The following VWA5B1 variants were observed in gnomAD, a reference collection of about 807,000 sequenced individuals.
The protein encoded by VWA5B1 is von Willebrand factor A domain containing 5B1, also known as von Willebrand factor A domain-containing protein 5B1.
A neutral mutation model predicts 118.2 loss-of-function variants in VWA5B1; 115 were observed. The ratio of observed to expected loss-of-function variants is 0.97; its 90% CI spans 0.84 to 1.14. VWA5B1 has a LOEUF of 1.14. Among genes scored for constraint, VWA5B1 ranks in the 50% most tolerant of loss-of-function variants. The pLI is 0.00. For missense variants in VWA5B1, 1,596 were observed against 1,603.8 expected (o/e 1.00, Z 0.08); for synonymous variants, 682 against 658.4 (o/e 1.04, Z -0.55).
intron 4 of VWA5B1, among the ~76,000 whole-genome samples, chr1:20,317,272 G>A (rs542852673): frequency 6.0e-4 from 91 of 152,160 alleles, no homozygotes; most frequent in South Asian, 4.8e-3. Context: ...CCAGAGCTGC[G>A]GTGAGAACGA....
intron 7 of VWA5B1, among the ~76,000 whole-genome samples, chr1:20,321,601 A>T (rs955725660): frequency 2.0e-5 from 3 of 152,148 alleles, no homozygotes; most frequent in Non-Finnish European, 1.5e-5. Context: ...TAAAAATAAA[A>T]AAGCAAATCA....
chr1:20,312,248 C>T (rs891838362), intron 2 of VWA5B1, among the ~76,000 whole-genome samples: 10 of 152,162 alleles, frequency 6.6e-5, no homozygotes, highest in Admixed American at 1.3e-4. Context: ...TCGTGAGCTT[C>T]GAAAGTTTGA....
At chr1:20,320,417 C>T (rs1249314688) in intron 7 of VWA5B1, among the ~76,000 whole-genome samples, 1 of 152,212 alleles carries the variant, frequency 6.6e-6, no homozygotes, top group African/African-American at 2.4e-5. Context: ...CACATGCTCT[C>T]CCAGAGGTGC....
At position 20,310,563 on chromosome 1, in the gene VWA5B1, C is replaced by T; in HGVS notation, c.-26-13C>T. Reference sequence around the variant, plus strand: ...AGCCTCTTCCCACTTCCTGCCCTTCCTGTGTCTCACAGGTTCTGAAGGCTG... The same window carrying T: ...AGCCTCTTCCCACTTCCTGCCCTTCTTGTGTCTCACAGGTTCTGAAGGCTG... On this transcript the variant is annotated splice_polypyrimidine_tract_variant and intron_variant, in intron 1 of 21. Coordinates refer to ENST00000289815, the MANE Select transcript of VWA5B1 (RefSeq NM_001039500.3). The T allele has an allele frequency of 1.4e-6, 2 of 1,478,624 alleles. No homozygotes were observed. Among genetic ancestry groups the T allele is most frequent in the South Asian group, 1.4e-5 (1 of 71,982 alleles). The allele number at this position is 1,478,624 out of a possible 1,614,324, so 91.6% of individuals were successfully genotyped here.
At position 20,314,309 on chromosome 1, in the gene VWA5B1, G is replaced by A; in HGVS notation, c.293-13G>A. ...AATCTATGTACAGCCCCTGACGCCA[G>A]CCTGGCACTTAGGGAACATTCTGCA... On this transcript the variant is annotated splice_polypyrimidine_tract_variant and intron_variant, in intron 3 of 21. Coordinates refer to ENST00000289815, the MANE Select transcript of VWA5B1 (RefSeq NM_001039500.3). 7 of 1,551,446 alleles carry A rather than the reference G, an allele frequency of 4.5e-6. No individual in the cohort carries two copies. The highest frequency in any genetic ancestry group is 6.1e-6 in the Non-Finnish European group (7 of 1,146,770).
intron 7 of VWA5B1, among the ~76,000 whole-genome samples, chr1:20,320,261 T>C (rs2089165913): frequency 1.3e-5 from 2 of 152,184 alleles, no homozygotes; most frequent in African/African-American, 4.8e-5. Flanking sequence ...TCTCAGAAGT[T>C]AGATTTGGTG....
rs2088940406 is a variant in VWA5B1, at chr1:20,314,431, C to T, written c.402C>T (p.Thr134=). ...ERILFVANLG[T]IAPMENVTIF... ...TCCTGTTCGTGGCCAACCTGGGGAC[C>T]ATTGCCCCCATGGAGAATGTCACCA... Residue 134 remains threonine, a synonymous_variant, in exon 4 of 22, where the codon ACC becomes ACT. Coordinates refer to ENST00000289815, the MANE Select transcript of VWA5B1 (RefSeq NM_001039500.3). 1 of 1,551,874 alleles carries T rather than the reference C, an allele frequency of 6.4e-7. No individual in the cohort carries two copies. Among genetic ancestry groups the T allele is most frequent in the South Asian group, 1.2e-5 (1 of 84,048 alleles).
chr1:20,350,729 T>A (rs2101020075), intron 19 of VWA5B1, 128 bp from the exon 20 acceptor site: 1 of 840,202 alleles, frequency 1.2e-6, no homozygotes, highest in South Asian at 1.5e-5. Context: ...GCCTAATGGT[T>A]AGCTCGAGTC....
In VWA5B1 at chr1:20,337,799, C is replaced by T. The variant is rs764707924; in HGVS notation, c.2096C>T (p.Thr699Ile). ...AGGCTGCAGGACCTCACCAACCAGA[C>T]CAGCCTGGATGTCCAGCGGTGGCAG... ...KARLQDLTNQ[T>I]SLDVQRWQID... Residue 699 changes from threonine to isoleucine, a missense_variant, in exon 14 of 22, where the codon ACC becomes ATC. Physicochemically the swap from Thr to Ile is moderately conservative, Grantham distance 89. Coordinates refer to ENST00000289815, the MANE Select transcript of VWA5B1 (RefSeq NM_001039500.3). The T allele has an allele frequency of 2.6e-6, 4 of 1,551,730 alleles. No homozygotes were observed. Among genetic ancestry groups the T allele is most frequent in the Middle Eastern group, 1.7e-4 (1 of 6,014 alleles).
At chr1:20,295,744 A>T (rs2100795547) in intron 1 of VWA5B1, among the ~76,000 whole-genome samples, 1 of 152,220 alleles carries the variant, frequency 6.6e-6, no homozygotes, top group East Asian at 1.9e-4. Context: ...CCATTGAGGG[A>T]GTGGCTGGAG....
intron 1 of VWA5B1, among the ~76,000 whole-genome samples, chr1:20,293,801 C>T (rs181225183): frequency 4.6e-5 from 7 of 152,124 alleles, no homozygotes; most frequent in East Asian, 1.9e-4. Flanking sequence ...TTGGGATCAG[C>T]GGTATTCTGT....
At position 20,356,027 on chromosome 1, in the gene VWA5B1, G is replaced by A. The variant is rs1405345331; in HGVS notation, c.*1764G>A. 6.6e-6 allele frequency among the ~76,000 whole-genome samples: 1 copy of A among 152,188 alleles called. No homozygotes were observed. The highest frequency in any genetic ancestry group is 1.5e-5 in the Non-Finnish European group (1 of 68,032). Reference sequence around the variant, plus strand: ...TTGGCTCAAAGTCAGTGCCACCAAGGCGGGTAAGAGCTTTGGGTTGTCTTG... The same window carrying A: ...TTGGCTCAAAGTCAGTGCCACCAAGACGGGTAAGAGCTTTGGGTTGTCTTG... On this transcript the variant is annotated 3_prime_UTR_variant, in exon 22 of 22. Transcript: ENST00000289815.
intron 2 of VWA5B1, among the ~76,000 whole-genome samples, 185 bp from the exon 3 acceptor site, chr1:20,312,651 G>A (rs1302727941): frequency 6.6e-6 from 1 of 152,214 alleles, no homozygotes; most frequent in Non-Finnish European, 1.5e-5. Flanking sequence ...CCCTGCCGCT[G>A]TGCTTACCCA....
At chr1:20,345,659 G>A (rs932859185) in intron 17 of VWA5B1, 66 bp downstream of exon 17, 2 of 1,472,060 alleles carry the variant, frequency 1.4e-6, no homozygotes, top group East Asian at 2.5e-5. Context: ...TAGGGGAGGG[G>A]GCTGAGATAC....
chr1:20,323,363 T>C lies in VWA5B1; in HGVS notation c.974T>C (p.Ile325Thr). The change falls in exon 8 of 22, where the codon ATC (isoleucine) becomes ACC (threonine). Residue 325 changes from isoleucine (I) to threonine (T), a missense_variant. By Grantham distance (89) the Ile-to-Thr change is moderately conservative. Transcript: ENST00000289815. ...KKSRAERKTEIIRKRLHKDIP... is the reference protein window; with the variant it reads ...KKSRAERKTETIRKRLHKDIP... The stretch of plus-strand genomic sequence containing the variant: ...TGTTCTTTCCTCTTCCAGACAGAAA[T>C]CATTCGAAAACGCCTCCACAAAGAC... 1 of 1,478,404 alleles carries C rather than the reference T, an allele frequency of 6.8e-7. No individual in the cohort carries two copies. Among genetic ancestry groups the C allele is most frequent in the African/African-American group, 1.4e-5 (1 of 70,208 alleles). The allele number at this position is 1,478,404 out of a possible 1,614,324, so 91.6% of individuals were successfully genotyped here.
chr1:20,319,424 C>G lies in VWA5B1; in HGVS notation c.884C>G (p.Thr295Ser). Reference protein sequence around the residue: ...PHVLIEKGDMTLGEFDQHLKG... With the variant: ...PHVLIEKGDMSLGEFDQHLKG... ...GTCCTGATAGAGAAAGGGGACATGA[C>G]CCTGGGAGAGTTTGACCAGCACTTG... Residue 295 changes from threonine to serine, a missense_variant, in exon 7 of 22, where the codon ACC (threonine) becomes AGC (serine). Physicochemically the swap from Thr to Ser is moderately conservative, Grantham distance 58. Coordinates refer to ENST00000289815, the MANE Select transcript of VWA5B1 (RefSeq NM_001039500.3). 1 of 1,551,760 alleles carries G rather than the reference C, an allele frequency of 6.4e-7. No individual in the cohort carries two copies. Among genetic ancestry groups the G allele is most frequent in the Non-Finnish European group, 8.7e-7 (1 of 1,147,006 alleles).
chr1:20,319,949 G>A (rs2089154901), intron 7 of VWA5B1, among the ~76,000 whole-genome samples: 1 of 132,830 alleles, frequency 7.5e-6, no homozygotes, highest in South Asian at 2.3e-4. Flanking sequence ...AGGCAGAGTG[G>A]GGAAAGCCTG....
chr1:20,332,698 C>CTTACA (rs900357868), intron 11 of VWA5B1, 68 bp from the exon 12 acceptor site: 1 of 1,501,786 alleles, frequency 6.7e-7, no homozygotes, highest in Non-Finnish European at 9.0e-7. Flanking sequence ...TAAGCTGATA[C>CTTACA]TTACATGATC....
chr1:20,307,909 A>G (rs2088710454), intron 1 of VWA5B1, among the ~76,000 whole-genome samples: 2 of 151,452 alleles, frequency 1.3e-5, no homozygotes. Flanking sequence ...TAGGGGGTAC[A>G]TATACAGGTT....
Sources: gnomAD v4.1 joint callset for allele counts (sites outside exome capture counted in the v4.1 genomes callset) on GRCh38, gnomAD v4.1.1 for gene constraint, MANE v1.5 for transcripts, NCBI Gene and HGNC (gene_info 2026-07-23, HGNC 2026-07-21) for gene names.